The following QTMAN variants were observed in gnomAD, a reference collection of about 807,000 sequenced individuals.
QTMAN encodes tRNA-queuosine alpha-mannosyltransferase.
the QTMAN span, among the ~76,000 whole-genome samples, chr2:143,962,403 T>C: frequency 6.6e-6 from 1 of 151,958 alleles, no homozygotes; most frequent in African/African-American, 2.4e-5. Flanking sequence ...TAACTGGAAT[T>C]CATGAGGAAC....
chr2:144,120,344 A>G, the QTMAN span, among the ~76,000 whole-genome samples: 2 of 152,222 alleles, frequency 1.3e-5, no homozygotes, highest in East Asian at 1.9e-4. Context: ...AACTGCCCCA[A>G]TATCTGTATT....
the QTMAN span, among the ~76,000 whole-genome samples, chr2:144,274,958 G>A: frequency 6.6e-6 from 1 of 152,146 alleles, no homozygotes; most frequent in African/African-American, 2.4e-5. Context: ...ATCTCCAGGT[G>A]GATGTTGTCA....
the QTMAN span, among the ~76,000 whole-genome samples, chr2:144,287,438 CAA>C: frequency 8.5e-5 from 6 of 70,694 alleles, no homozygotes; most frequent in Admixed American, 3.1e-4. Flanking sequence ...GACTCTGTCT[CAA>C]AAAAAAAAAA....
At chr2:144,279,660 A>G in the QTMAN span, among the ~76,000 whole-genome samples, 160 of 152,320 alleles carry the variant, frequency 1.1e-3, no homozygotes, top group African/African-American at 3.7e-3. Flanking sequence ...ACTAGTTTCA[A>G]TTATCATCAT....
chr2:144,020,090 A>C, the QTMAN span, among the ~76,000 whole-genome samples: 1 of 152,248 alleles, frequency 6.6e-6, no homozygotes, highest in African/African-American at 2.4e-5. Context: ...AAGACAAAGC[A>C]TAAGAAAGGA....
the QTMAN span, among the ~76,000 whole-genome samples, chr2:144,256,922 A>G: frequency 6.6e-6 from 1 of 152,204 alleles, no homozygotes; most frequent in Non-Finnish European, 1.5e-5. Flanking sequence ...TAAATACACT[A>G]AATATTAAAT....
chr2:144,014,744 T>C, the QTMAN span, among the ~76,000 whole-genome samples: 1 of 152,190 alleles, frequency 6.6e-6, no homozygotes, highest in African/African-American at 2.4e-5. Context: ...TTTCCTGATG[T>C]CTGTCCTTTC....
At chr2:143,991,848 C>T in the QTMAN span, among the ~76,000 whole-genome samples, 21 of 150,192 alleles carry the variant, frequency 1.4e-4, no homozygotes, top group Non-Finnish European at 2.5e-4. Context: ...TCTGCCCGGC[C>T]GCCCCTACTG....
At chr2:144,028,304 T>C in the QTMAN span, among the ~76,000 whole-genome samples, 1 of 152,218 alleles carries the variant, frequency 6.6e-6, no homozygotes, top group Non-Finnish European at 1.5e-5. Flanking sequence ...CAAAGTTTAG[T>C]GTTGCAAAAT....
the QTMAN span, chr2:143,970,911 T>A: frequency 1.6e-6 from 1 of 618,268 alleles, no homozygotes; most frequent in Non-Finnish European, 2.9e-6. Context: ...TTCCTATAAC[T>A]TCACACTATA....
At chr2:144,264,031 A>G in the QTMAN span, among the ~76,000 whole-genome samples, 1 of 152,180 alleles carries the variant, frequency 6.6e-6, no homozygotes, top group African/African-American at 2.4e-5. Context: ...TTTCTAAAAC[A>G]AATGAGGGAT....
chr2:144,238,662 C>T, the QTMAN span, among the ~76,000 whole-genome samples: 1 of 152,160 alleles, frequency 6.6e-6, no homozygotes, highest in African/African-American at 2.4e-5. Flanking sequence ...CGTGCACTAT[C>T]TGGTTTCTCC....
At chr2:144,012,832 C>T in the QTMAN span, among the ~76,000 whole-genome samples, 2 of 152,022 alleles carry the variant, frequency 1.3e-5, no homozygotes, top group South Asian at 2.1e-4. Flanking sequence ...ATAACTGATA[C>T]AAGATTATTC....
At chr2:143,940,926 T>C in the QTMAN span, 1 of 152,256 alleles carries the variant, frequency 6.6e-6, no homozygotes, top group African/African-American at 2.4e-5. Context: ...CTCCTTATGG[T>C]CATTGAGAAT....
the QTMAN span, among the ~76,000 whole-genome samples, chr2:143,975,698 CT>C: frequency 5.9e-5 from 9 of 152,282 alleles, no homozygotes; most frequent in African/African-American, 2.2e-4. Flanking sequence ...CTACATCTTT[CT>C]CTGCTGTGGT....
the QTMAN span, among the ~76,000 whole-genome samples, chr2:144,219,000 G>T: frequency 6.6e-6 from 1 of 150,916 alleles, no homozygotes; most frequent in African/African-American, 2.4e-5. Context: ...GAAGAAAGAG[G>T]AATTTCCATA....
At chr2:143,939,119 G>T in the QTMAN span, 1 of 152,090 alleles carries the variant, frequency 6.6e-6, no homozygotes, top group Non-Finnish European at 1.5e-5. Flanking sequence ...TCTTTCTGTG[G>T]TTTAGCCACA....
the QTMAN span, among the ~76,000 whole-genome samples, chr2:144,030,659 T>A: frequency 3.3e-5 from 5 of 150,958 alleles, no homozygotes; most frequent in Admixed American, 6.6e-5. Context: ...GAAGGAAATT[T>A]AAAAAAAAAG....
chr2:143,943,109 T>C, the QTMAN span: 1 of 152,232 alleles, frequency 6.6e-6, no homozygotes, highest in African/African-American at 2.4e-5. Context: ...ATAACCATTA[T>C]TGTAAGTTTG....
Sources: gnomAD v4.1 joint callset for allele counts (sites outside exome capture counted in the v4.1 genomes callset) on GRCh38, gnomAD v4.1.1 for gene constraint, MANE v1.5 for transcripts, NCBI Gene and HGNC (gene_info 2026-07-23, HGNC 2026-07-21) for gene names.